The following ADCY2 variants were observed in gnomAD, a reference collection of about 807,000 sequenced individuals.
The protein encoded by ADCY2 is adenylate cyclase 2, also known as adenylate cyclase type 2.
ADCY2 carries 31 observed loss-of-function variants against 125.2 expected under a neutral mutation model. The ratio of observed to expected loss-of-function variants is 0.25; its 90% CI spans 0.19 to 0.33. ADCY2 has a LOEUF of 0.33. Ranked by LOEUF, ADCY2 falls within the 10% of genes least tolerant of loss-of-function variation. ADCY2 has a pLI of 1.00. For synonymous variants in ADCY2, 512 were observed against 548.4 expected (o/e 0.93, Z 0.93); for missense variants, 904 against 1,418.2 (o/e 0.64, Z 5.82).
chr5:7,551,680 A>G (rs1220896444), intron 3 of ADCY2, among the ~76,000 whole-genome samples: 1 of 152,252 alleles, frequency 6.6e-6, no homozygotes, highest in East Asian at 1.9e-4. Context: ...CAACACTGAT[A>G]TCCAAACAAA....
intron 4 of ADCY2, among the ~76,000 whole-genome samples, chr5:7,669,917 CAG>C (rs1739875759): frequency 6.6e-6 from 1 of 152,168 alleles, no homozygotes; most frequent in Non-Finnish European, 1.5e-5. Context: ...CTGCCACCCC[CAG>C]GCAATGTGAG....
chr5:7,543,368 G>A (rs1735053821), intron 3 of ADCY2, among the ~76,000 whole-genome samples: 1 of 152,016 alleles, frequency 6.6e-6, no homozygotes, highest in Admixed American at 6.6e-5. Flanking sequence ...AATTGGATTA[G>A]TATTGTATTT....
intron 2 of ADCY2, among the ~76,000 whole-genome samples, chr5:7,497,238 C>A (rs1204744694): frequency 1.3e-5 from 2 of 152,044 alleles, no homozygotes; most frequent in Non-Finnish European, 1.5e-5. Flanking sequence ...GGAAGATACA[C>A]AAACAAGAAT....
At chr5:7,814,478 CA>C (rs1246173728) in intron 22 of ADCY2, among the ~76,000 whole-genome samples, 1 of 149,992 alleles carries the variant, frequency 6.7e-6, no homozygotes, top group African/African-American at 2.5e-5. Context: ...GGACAGCCCG[CA>C]AAGCAGAGAA....
rs1579339113 is a variant in ADCY2 at position 7,707,022 on chromosome 5, T to C, written c.1268+120T>C. 18 of 1,321,174 alleles carry C rather than the reference T, an allele frequency of 1.4e-5. No individual in the cohort carries two copies. The East Asian group carries it at 3.5e-4, about 25-fold the overall frequency. 81.8% of individuals were successfully genotyped at this position (1,321,174 alleles called of 1,614,324 possible). On this transcript the variant is annotated intron_variant, in intron 8 of 24. Transcript: ENST00000338316. ...ACTTCTGTTGCCTCTGTTGGTATCA[T>C]GTTACTCACGCCCAACGGCCTCTTA...
intron 3 of ADCY2, among the ~76,000 whole-genome samples, chr5:7,585,008 T>C (rs78768477): frequency 0.025 from 3,816 of 152,070 alleles, 70 homozygotes; most frequent in Non-Finnish European, 0.036. Context: ...CAACTGAAAA[T>C]CTAAAAATAA....
intron 2 of ADCY2, among the ~76,000 whole-genome samples, chr5:7,448,446 G>A (rs572096861): frequency 5.9e-5 from 9 of 152,148 alleles, no homozygotes; most frequent in African/African-American, 2.2e-4. Flanking sequence ...CTGTAGGTGT[G>A]TTGGTGTTGA....
intron 2 of ADCY2, 27 bp from the exon 3 acceptor site, chr5:7,520,711 C>G: frequency 6.2e-7 from 1 of 1,613,074 alleles, no homozygotes; most frequent in Non-Finnish European, 8.5e-7. Flanking sequence ...TTTGGTGACT[C>G]TTATTGTTCT....
chr5:7,437,950 C>T (rs1268653140), intron 2 of ADCY2, among the ~76,000 whole-genome samples: 1 of 152,150 alleles, frequency 6.6e-6, no homozygotes, highest in Non-Finnish European at 1.5e-5. Flanking sequence ...TTTTTGTGCT[C>T]CTGTGGTCTG....
intron 3 of ADCY2, among the ~76,000 whole-genome samples, chr5:7,597,441 C>T (rs890742744): frequency 1.1e-4 from 16 of 152,184 alleles, no homozygotes; most frequent in Admixed American, 6.5e-4. Context: ...CTGCCATCCA[C>T]GATGCTTCCC....
At chr5:7,600,327 G>A (rs1009443582) in intron 3 of ADCY2, among the ~76,000 whole-genome samples, 2 of 152,226 alleles carry the variant, frequency 1.3e-5, no homozygotes, top group Non-Finnish European at 2.9e-5. Context: ...TCAAGGTGGA[G>A]AGGTTGTCCT....
chr5:7,595,649 T>C (rs13166852), intron 3 of ADCY2, among the ~76,000 whole-genome samples: 40,862 of 152,046 alleles, frequency 0.27, 7,214 homozygotes, highest in Non-Finnish European at 0.39. Flanking sequence ...CATCTCTTAG[T>C]AGCCAAAGGA....
At chr5:7,397,576 AT>A (rs1169351485) in intron 1 of ADCY2, among the ~76,000 whole-genome samples, 1 of 149,080 alleles carries the variant, frequency 6.7e-6, no homozygotes, top group Non-Finnish European at 1.5e-5. Context: ...AAAGAAGTGG[AT>A]TTTGCTTATA....
intron 3 of ADCY2, among the ~76,000 whole-genome samples, chr5:7,540,117 G>A (rs1734946915): frequency 6.6e-6 from 1 of 152,130 alleles, no homozygotes; most frequent in Admixed American, 6.5e-5. Flanking sequence ...CTTATCAGTG[G>A]GAGCAAAATG....
At chr5:7,812,759 AT>A (rs1485053375) in intron 22 of ADCY2, among the ~76,000 whole-genome samples, 1 of 152,188 alleles carries the variant, frequency 6.6e-6, no homozygotes, top group African/African-American at 2.4e-5. Context: ...AATACAAAAA[AT>A]TAACCAGGCT....
intron 3 of ADCY2, among the ~76,000 whole-genome samples, chr5:7,585,378 A>G (rs1349048188): frequency 6.6e-6 from 1 of 152,198 alleles, no homozygotes; most frequent in Non-Finnish European, 1.5e-5. Context: ...AATAATGGTG[A>G]TAGAATAGCA....
chr5:7,698,509 T>C, intron 7 of ADCY2, 135 bp downstream of exon 7: 1 of 899,108 alleles, frequency 1.1e-6, no homozygotes, highest in Non-Finnish European at 1.8e-6. Flanking sequence ...TCATTTACAT[T>C]AGGTATTTCT....
At chr5:7,636,564 G>A (rs1198894893) in intron 4 of ADCY2, among the ~76,000 whole-genome samples, 3 of 152,222 alleles carry the variant, frequency 2.0e-5, no homozygotes, top group African/African-American at 7.2e-5. Flanking sequence ...CAAGGAGGTA[G>A]GGGGGATGGA....
chr5:7,712,997 T>C (rs1410320598), intron 11 of ADCY2, 98 bp downstream of exon 11: 4 of 898,938 alleles, frequency 4.4e-6, no homozygotes. Flanking sequence ...GGGCTACTTC[T>C]GAAAGAGCAG....
Sources: gnomAD v4.1 joint callset for allele counts (sites outside exome capture counted in the v4.1 genomes callset) on GRCh38, gnomAD v4.1.1 for gene constraint, MANE v1.5 for transcripts, NCBI Gene and HGNC (gene_info 2026-07-23, HGNC 2026-07-21) for gene names.